UBE2D2: variants seen among roughly 807,000 people sequenced by gnomAD.
UBE2D2 encodes ubiquitin-conjugating enzyme E2 D2.
UBE2D2 carries 2 observed loss-of-function variants against 24.2 expected under a neutral mutation model. That is an observed-to-expected ratio of 0.08 (90% CI 0.03 to 0.26). UBE2D2 has a LOEUF of 0.26. UBE2D2 is among the 10% of genes least tolerant of loss of function. The probability of loss-of-function intolerance (pLI) is 1.00; values close to 1 mark genes in which losing one functional copy is unlikely to be tolerated. For synonymous variants in UBE2D2, 58 were observed against 56.5 expected, an observed-to-expected ratio of 1.03 and a Z score of -0.12; for missense variants, 44 against 177.6, an observed-to-expected ratio of 0.25 and a Z score of 4.28.
intron 5 of UBE2D2, among the ~76,000 whole-genome samples, chr5:139,615,800 G>A (rs1429804127): frequency 6.8e-6 from 1 of 148,000 alleles, no homozygotes; most frequent in Non-Finnish European, 1.5e-5. Context: ...ATTCCCAGAT[G>A]AAATCACAGT....
At chr5:139,547,097 T>C (rs1305612949) in intron 1 of UBE2D2, among the ~76,000 whole-genome samples, 1 of 151,680 alleles carries the variant, frequency 6.6e-6, no homozygotes, top group South Asian at 2.1e-4. Context: ...AAGACCATCC[T>C]GGCTAACACG....
intron 1 of UBE2D2, among the ~76,000 whole-genome samples, chr5:139,537,595 C>A (rs1349690553): frequency 6.6e-6 from 1 of 151,894 alleles, no homozygotes; most frequent in African/African-American, 2.4e-5. Context: ...CTCAGGTGAT[C>A]CACCCACCTT....
chr5:139,579,027 G>T (rs1352092044), intron 1 of UBE2D2, among the ~76,000 whole-genome samples: 1 of 152,130 alleles, frequency 6.6e-6, no homozygotes, highest in Non-Finnish European at 1.5e-5. Flanking sequence ...GAGTGTAGTG[G>T]CACAATCTCA....
chr5:139,599,102 G>T (rs1370935622), intron 1 of UBE2D2, among the ~76,000 whole-genome samples: 1 of 151,220 alleles, frequency 6.6e-6, no homozygotes, highest in Non-Finnish European at 1.5e-5. Flanking sequence ...GCTAATTTTT[G>T]TATTTTTAGT....
At chr5:139,564,406 A>C (rs1427129908) in intron 1 of UBE2D2, among the ~76,000 whole-genome samples, 2 of 150,736 alleles carry the variant, frequency 1.3e-5, no homozygotes, top group African/African-American at 4.9e-5. Flanking sequence ...CACCTGCCTC[A>C]GCCTCCCAAA....
chr5:139,531,636 A>G (rs1581477285), intron 1 of UBE2D2, among the ~76,000 whole-genome samples: 1 of 151,428 alleles, frequency 6.6e-6, no homozygotes, highest in East Asian at 1.9e-4. Flanking sequence ...AAAAAAAAAA[A>G]AAGAAAGAAA....
chr5:139,550,667 C>T lies in UBE2D2; in HGVS notation c.-64+24055C>T, dbSNP rs796431211. Among the ~76,000 whole-genome samples, 41 of 152,038 alleles carry T rather than the reference C, an allele frequency of 2.7e-4. 1 individual carries two copies. The highest frequency in any genetic ancestry group is 9.4e-4 in the African/African-American group (39 of 41,480). On this transcript the variant is annotated intron_variant, in intron 1 of 6. Transcript: ENST00000511725. ...ATGAGCTGTAACACTCTTCGTGAAG[C>T]TCTGCAGCCTCAATCCTGAGGCCAC...
intron 2 of UBE2D2, among the ~76,000 whole-genome samples, chr5:139,606,885 A>C (rs1298434093): frequency 1.3e-5 from 2 of 151,988 alleles, no homozygotes; most frequent in African/African-American, 4.8e-5. Flanking sequence ...GCTCACTGCA[A>C]CCTCTGCCTC....
chr5:139,621,441 T>C (rs578118298), intron 5 of UBE2D2, among the ~76,000 whole-genome samples: 3 of 152,178 alleles, frequency 2.0e-5, no homozygotes, highest in South Asian at 4.1e-4. Flanking sequence ...CTGTAATGAG[T>C]GTATGACCAT....
At chr5:139,529,878 A>C (rs1325120654) in intron 1 of UBE2D2, among the ~76,000 whole-genome samples, 2 of 152,162 alleles carry the variant, frequency 1.3e-5, no homozygotes, top group African/African-American at 4.8e-5. Context: ...CAGTCTCTAC[A>C]AGTCACCTCA....
intron 2 of UBE2D2, among the ~76,000 whole-genome samples, chr5:139,609,719 T>C (rs1392523808): frequency 6.7e-6 from 1 of 149,178 alleles, no homozygotes; most frequent in Non-Finnish European, 1.5e-5. Context: ...TATTAAGTGC[T>C]TTCTTTCTTT....
At chr5:139,602,702 C>A (rs1053309036) in intron 2 of UBE2D2, among the ~76,000 whole-genome samples, 6 of 151,842 alleles carry the variant, frequency 4.0e-5, no homozygotes, top group African/African-American at 9.7e-5. Context: ...ACAACAACAA[C>A]AAAAAACGGA....
intron 2 of UBE2D2, among the ~76,000 whole-genome samples, chr5:139,609,002 G>C (rs1754257456): frequency 6.6e-6 from 1 of 151,918 alleles, no homozygotes; most frequent in Admixed American, 6.6e-5. Flanking sequence ...CAGGAGAATT[G>C]CCTGAACCTG....
At chr5:139,539,162 T>G (rs2126631214) in intron 1 of UBE2D2, among the ~76,000 whole-genome samples, 2 of 151,580 alleles carry the variant, frequency 1.3e-5, no homozygotes, top group African/African-American at 4.8e-5. Flanking sequence ...GTAGCTGGGA[T>G]TACAGGCGCC....
intron 1 of UBE2D2, among the ~76,000 whole-genome samples, chr5:139,541,858 C>A (rs1277966720): frequency 2.0e-5 from 3 of 151,948 alleles, no homozygotes; most frequent in Non-Finnish European, 2.9e-5. Context: ...TGGAGACTGG[C>A]CTGGCCAACA....
At chr5:139,620,421 A>T (rs910411957) in intron 5 of UBE2D2, among the ~76,000 whole-genome samples, 1 of 152,142 alleles carries the variant, frequency 6.6e-6, no homozygotes, top group African/African-American at 2.4e-5. Context: ...AAAATTTCTA[A>T]CTTCCCTGTT....
At chr5:139,620,272 T>A (rs1754492103) in intron 5 of UBE2D2, among the ~76,000 whole-genome samples, 1 of 152,198 alleles carries the variant, frequency 6.6e-6, no homozygotes, top group Non-Finnish European at 1.5e-5. Context: ...AGCTAAGTAG[T>A]GTACTAAAAA....
At chr5:139,567,214 G>A (rs911385342) in intron 1 of UBE2D2, among the ~76,000 whole-genome samples, 8 of 150,790 alleles carry the variant, frequency 5.3e-5, no homozygotes, top group Admixed American at 1.3e-4. Context: ...ATTCTCCTGC[G>A]TCAGCCTCCC....
intron 1 of UBE2D2, among the ~76,000 whole-genome samples, chr5:139,540,038 G>C (rs948107911): frequency 6.6e-6 from 1 of 152,070 alleles, no homozygotes; most frequent in Non-Finnish European, 1.5e-5. Context: ...TCCTGCCTCA[G>C]CCTCCCGAGT....
Sources: gnomAD v4.1 joint callset for allele counts (sites outside exome capture counted in the v4.1 genomes callset) on GRCh38, gnomAD v4.1.1 for gene constraint, MANE v1.5 for transcripts, NCBI Gene and HGNC (gene_info 2026-07-23, HGNC 2026-07-21) for gene names.